CEP135: variants seen among roughly 807,000 people sequenced by gnomAD.
CEP135 encodes centrosomal protein 135.
CEP135 carries 142 observed loss-of-function variants against 157.3 expected under a neutral mutation model. The observed-to-expected ratio is 0.90, with a 90% CI of 0.79 to 1.04. The LOEUF is 1.04. CEP135 is among the 50% of genes least tolerant of loss of function. The pLI is 0.00. For synonymous variants in CEP135, 396 were observed against 439.8 expected, an observed-to-expected ratio of 0.90 and a Z score of 1.25; for missense variants, 1,317 against 1,309.2, an observed-to-expected ratio of 1.01 and a Z score of -0.09.
At chr4:55,965,966 G>C in intron 8 of CEP135, 107 bp downstream of exon 8, 1 of 973,352 alleles carries the variant, frequency 1.0e-6, no homozygotes, top group Admixed American at 2.8e-5. Context: ...TTTATTTTGT[G>C]TGTCTGTTTT....
intron 11 of CEP135, among the ~76,000 whole-genome samples, chr4:55,977,267 G>GA (rs987115638): frequency 4.7e-4 from 72 of 152,238 alleles, no homozygotes; most frequent in African/African-American, 1.7e-3. Flanking sequence ...TAATAACTCA[G>GA]AAAAAAATTG....
Position 55,952,141 on chromosome 4 carries a change from C to T in CEP135, c.11C>T (p.Ala4Val), listed in dbSNP as rs1728376451. ...GTTTTAGAAGACGAGATGACTACAG[C>T]TGTAGAGAGAAAGTATATTAATATT... MTT[A>V]VERKYINIRK... Residue 4 changes from alanine to valine, a missense_variant, in exon 2 of 26, where the codon GCT becomes GTT. Transcript: ENST00000257287. The T allele has an allele frequency of 6.3e-7, 1 of 1,598,620 alleles. No homozygotes were observed. The highest frequency in any genetic ancestry group is 1.1e-5 in the South Asian group (1 of 90,566).
chr4:56,011,519 C>A lies in CEP135; in HGVS notation c.2613C>A (p.Ala871=). 2 of 1,582,354 alleles carry A rather than the reference C, an allele frequency of 1.3e-6. No homozygotes were observed. The highest frequency in any genetic ancestry group is 1.2e-5 in the South Asian group (1 of 85,824). ...CACGATGGGAGAGCTTAATGGCTGCCAAGGTGAAAAATATTATTTAGGTTG... is the reference window on the plus strand; with the variant it reads ...CACGATGGGAGAGCTTAATGGCTGCAAAGGTGAAAAATATTATTTAGGTTG... ...EVSRWESLMA[A]KEKENQDLLD... The change falls in exon 20 of 26, where the codon GCC becomes GCA. Residue 871 remains alanine, a synonymous_variant. Coordinates refer to ENST00000257287, the MANE Select transcript of CEP135 (RefSeq NM_025009.5).
At chr4:55,982,199 C>G (rs532646867) in intron 13 of CEP135, among the ~76,000 whole-genome samples, 2 of 152,242 alleles carry the variant, frequency 1.3e-5, no homozygotes, top group African/African-American at 4.8e-5. Context: ...AATTGAATCA[C>G]TCGATATGTG....
rs555761644 is a variant in CEP135, at chr4:55,953,844, A to C, written c.305-372A>C. Among the ~76,000 whole-genome samples the C allele has an allele frequency of 2.0e-5, 3 of 152,328 alleles. No homozygotes were observed. The South Asian group carries it at 6.2e-4, about 32-fold the overall frequency. On this transcript the variant is annotated intron_variant, in intron 3 of 25. Coordinates refer to ENST00000257287, the MANE Select transcript of CEP135 (RefSeq NM_025009.5). ...CTGTCAAGTAGAATAGGATGATTTC[A>C]AAGGTACTAGGGAAAAGATAATTAT...
At chr4:55,986,026 G>A (rs1421110777) in intron 14 of CEP135, among the ~76,000 whole-genome samples, 1 of 152,200 alleles carries the variant, frequency 6.6e-6, no homozygotes, top group Non-Finnish European at 1.5e-5. Flanking sequence ...CTTGGGTTCA[G>A]ATCCATCTTT....
At chr4:55,991,885 C>A in intron 14 of CEP135, 49 bp from the exon 15 acceptor site, 3 of 914,004 alleles carry the variant, frequency 3.3e-6, no homozygotes, top group Non-Finnish European at 4.7e-6. Flanking sequence ...AGAAAAATAT[C>A]ATTAACGTAT....
chr4:55,987,181 A>G (rs1729616686), intron 14 of CEP135, among the ~76,000 whole-genome samples: 3 of 152,034 alleles, frequency 2.0e-5, no homozygotes, highest in South Asian at 4.1e-4. Context: ...CTGTTGTCCT[A>G]TGAATTATGA....
chr4:56,021,614 A>G (rs1282322416), intron 24 of CEP135, among the ~76,000 whole-genome samples: 1 of 152,188 alleles, frequency 6.6e-6, no homozygotes, highest in Non-Finnish European at 1.5e-5. Flanking sequence ...ATTCTCAATT[A>G]GTGGCCAAAT....
At chr4:55,954,872 G>T (rs1475359967) in intron 4 of CEP135, among the ~76,000 whole-genome samples, 1 of 152,132 alleles carries the variant, frequency 6.6e-6, no homozygotes. Context: ...ATCATTTGAG[G>T]CCGCTTCAAG....
At chr4:55,992,170 G>A (rs1729821517) in intron 15 of CEP135, 85 bp downstream of exon 15, 4 of 1,323,536 alleles carry the variant, frequency 3.0e-6, no homozygotes. Flanking sequence ...ATTTTGGACT[G>A]GGCCTTTGTG....
chr4:55,977,418 C>T (rs529515310), intron 11 of CEP135, among the ~76,000 whole-genome samples: 1 of 152,292 alleles, frequency 6.6e-6, no homozygotes, highest in Admixed American at 6.5e-5. Context: ...ACACAAGTTC[C>T]AACTCCACAA....
At chr4:56,001,017 T>C (rs915114217) in intron 17 of CEP135, among the ~76,000 whole-genome samples, 2 of 152,208 alleles carry the variant, frequency 1.3e-5, no homozygotes, top group African/African-American at 2.4e-5. Context: ...ATGTTGAGCA[T>C]TTTTTCACAT....
chr4:55,971,899 C>T (rs1047335865), intron 10 of CEP135, among the ~76,000 whole-genome samples: 22 of 152,172 alleles, frequency 1.4e-4, no homozygotes, highest in Non-Finnish European at 1.5e-5. Flanking sequence ...ACCTGTAATC[C>T]TAGCACTTTG....
Position 55,959,665 on chromosome 4 carries a change from T to C in CEP135, c.615-17T>C. The C allele has an allele frequency of 1.2e-6, 2 of 1,606,348 alleles. No homozygotes were observed. The highest frequency in any genetic ancestry group is 8.5e-7 in the Non-Finnish European group (1 of 1,173,082). Reference sequence around the variant, plus strand: ...CTTAACAAAAGTGTATTGGCATTAATTTAAAGTGCTTTTCAGGATTCAAGA... The same window carrying C: ...CTTAACAAAAGTGTATTGGCATTAACTTAAAGTGCTTTTCAGGATTCAAGA... On this transcript the variant is annotated splice_polypyrimidine_tract_variant and intron_variant, in intron 5 of 25. Coordinates refer to ENST00000257287, the MANE Select transcript of CEP135 (RefSeq NM_025009.5).
intron 13 of CEP135, among the ~76,000 whole-genome samples, chr4:55,985,036 T>C (rs1010352752): frequency 4.6e-5 from 7 of 152,224 alleles, no homozygotes; most frequent in African/African-American, 1.7e-4. Flanking sequence ...TCCTTACTAA[T>C]CTATGTCTTC....
intron 22 of CEP135, 49 bp from the exon 23 acceptor site, chr4:56,019,304 A>G (rs948217580): frequency 1.4e-6 from 2 of 1,424,954 alleles, no homozygotes; most frequent in African/African-American, 2.9e-5. Flanking sequence ...ATTTTTTCAG[A>G]GTAAGTTTAA....
At chr4:55,960,064 C>T (rs1728631225) in intron 6 of CEP135, 2 of 499,314 alleles carry the variant, frequency 4.0e-6, no homozygotes, top group Non-Finnish European at 7.0e-6. Flanking sequence ...TTACTCGATT[C>T]TCTTCACTAT....
At chr4:56,000,005 C>T (rs1470653182) in intron 17 of CEP135, among the ~76,000 whole-genome samples, 1 of 152,024 alleles carries the variant, frequency 6.6e-6, no homozygotes, top group Non-Finnish European at 1.5e-5. Context: ...GCCTGGGCCA[C>T]GTGGTGAGAC....
Sources: gnomAD v4.1 joint callset for allele counts (sites outside exome capture counted in the v4.1 genomes callset) on GRCh38, gnomAD v4.1.1 for gene constraint, MANE v1.5 for transcripts, NCBI Gene and HGNC (gene_info 2026-07-23, HGNC 2026-07-21) for gene names.